Variants in DNAH11 observed in about 807,000 individuals in gnomAD.
DNAH11 encodes the protein dynein axonemal heavy chain 11.
Under a neutral mutation model 526.0 loss-of-function variants are expected in DNAH11, and 442 were observed. That is an observed-to-expected ratio of 0.84 (90% CI 0.78 to 0.91). The LOEUF (loss-of-function observed/expected upper bound fraction) is 0.91. Among genes scored for constraint, DNAH11 ranks in the 40% least tolerant of loss-of-function variants. DNAH11 has a pLI of 0.00. For missense variants in DNAH11, 6,989 were observed against 5,448.7 expected (o/e 1.28, Z -8.90); for synonymous variants, 2,461 against 1,935.9 (o/e 1.27, Z -7.12).
chr7:21,594,363 C>T (rs1204949908), intron 14 of DNAH11, among the ~76,000 whole-genome samples: 2 of 152,082 alleles, frequency 1.3e-5, no homozygotes, highest in Admixed American at 1.3e-4. Context: ...ATTGTGTGTA[C>T]CCAGCACCTT....
intron 45 of DNAH11, among the ~76,000 whole-genome samples, chr7:21,733,168 C>G (rs1191993202): frequency 6.6e-6 from 1 of 152,202 alleles, no homozygotes; most frequent in Non-Finnish European, 1.5e-5. Flanking sequence ...GGGTGGATCA[C>G]CTGAGGCCAG....
At chr7:21,684,033 C>G in intron 32 of DNAH11, 89 bp downstream of exon 32, 1 of 1,339,350 alleles carries the variant, frequency 7.5e-7, no homozygotes, top group Non-Finnish European at 1.0e-6. Flanking sequence ...TGAGAGGAAA[C>G]GATGAACAAT....
rs776769782 is a variant in DNAH11 at position 21,616,191 on chromosome 7, C to G, written c.4012-18C>G. On this transcript the variant is annotated intron_variant, in intron 21 of 81. Transcript: ENST00000409508. ...CACCAAATGTTGTTGACACTTTTAT[C>G]TGCTTTTGCGTTTTCAGAGAAGCAT... 6.2e-7 allele frequency: 1 copy of G among 1,606,442 alleles called. No homozygotes were observed.
At chr7:21,677,934 T>A (rs1351415361) in intron 30 of DNAH11, among the ~76,000 whole-genome samples, 1 of 152,224 alleles carries the variant, frequency 6.6e-6, no homozygotes, top group Admixed American at 6.5e-5. Flanking sequence ...TTGTTGCCGT[T>A]GAGTTGTATG....
At chr7:21,713,821 A>G (rs141579241) in intron 42 of DNAH11, among the ~76,000 whole-genome samples, 231 of 152,250 alleles carry the variant, frequency 1.5e-3, no homozygotes, top group African/African-American at 5.0e-3. Flanking sequence ...TTTATTGGAT[A>G]TGTTTTGGGG....
chr7:21,884,321 G>GTGATCAT lies in DNAH11; in HGVS notation c.12418_12419insTGATCAT (p.Gly4140ValfsTer4). The GTGATCAT allele has an allele frequency of 6.2e-7, 1 of 1,611,888 alleles. No individual in the cohort carries two copies. Among genetic ancestry groups the GTGATCAT allele is most frequent in the Non-Finnish European group, 8.5e-7 (1 of 1,178,914 alleles). ...ATGGGAAGATCTCCGTTATCTCTTT[G>GTGATCAT]GTGAGATCATGTATGGAGGCCACAT... On this transcript the variant is annotated frameshift_variant, in exon 76 of 82. Coordinates refer to ENST00000409508, the MANE Select transcript of DNAH11 (RefSeq NM_001277115.2). LOFTEE classifies it high-confidence loss of function.
intron 45 of DNAH11, among the ~76,000 whole-genome samples, chr7:21,733,636 G>A (rs1348356572): frequency 6.6e-6 from 1 of 152,164 alleles, no homozygotes; most frequent in Non-Finnish European, 1.5e-5. Context: ...CCTATGAGGA[G>A]TTTGTACTCT....
chr7:21,733,362 T>G (rs1205733747), intron 45 of DNAH11, among the ~76,000 whole-genome samples: 1 of 152,046 alleles, frequency 6.6e-6, no homozygotes, highest in Admixed American at 6.6e-5. Flanking sequence ...CACTCCAGCC[T>G]CAGCAACAAG....
intron 54 of DNAH11, among the ~76,000 whole-genome samples, chr7:21,762,284 A>G (rs1350772676): frequency 2.6e-5 from 4 of 152,218 alleles, no homozygotes; most frequent in Non-Finnish European, 5.9e-5. Context: ...TTGAACAAAT[A>G]TGGTTCAGAT....
intron 57 of DNAH11, 53 bp from the exon 58 acceptor site, chr7:21,784,374 G>T: frequency 1.5e-6 from 2 of 1,347,854 alleles, no homozygotes; most frequent in South Asian, 2.5e-5. Context: ...TTTCTTTAGA[G>T]ATATCTGTGA....
At chr7:21,601,212 C>A in intron 17 of DNAH11, 33 bp downstream of exon 17, 1 of 1,565,244 alleles carries the variant, frequency 6.4e-7, no homozygotes, top group East Asian at 2.2e-5. Flanking sequence ...GGAATTATAA[C>A]TTTCTAAACT....
intron 54 of DNAH11, among the ~76,000 whole-genome samples, chr7:21,763,827 T>G (rs1787043762): frequency 6.7e-6 from 1 of 149,998 alleles, no homozygotes; most frequent in African/African-American, 2.5e-5. Context: ...TATATACATA[T>G]ATATATATAC....
In DNAH11 at chr7:21,711,876, T is replaced by A. The variant is rs773016942; in HGVS notation, c.6983+16T>A. The A allele has an allele frequency of 2.5e-6, 4 of 1,590,578 alleles. No individual in the cohort carries two copies. The African/African-American group carries it at 5.4e-5, about 21-fold the overall frequency. ...GCTGGAATCCGTGAGTATTTCTTTTTGTTTTATTGTAGTAAATTGTATGTA... is the reference window on the plus strand; with the variant it reads ...GCTGGAATCCGTGAGTATTTCTTTTAGTTTTATTGTAGTAAATTGTATGTA... On this transcript the variant is annotated intron_variant, in intron 42 of 81. Coordinates refer to ENST00000409508, the MANE Select transcript of DNAH11 (RefSeq NM_001277115.2).
intron 79 of DNAH11, 44 bp downstream of exon 79, chr7:21,895,043 G>C (rs759737260): frequency 1.3e-6 from 2 of 1,512,088 alleles, no homozygotes; most frequent in Non-Finnish European, 1.8e-6. Flanking sequence ...GAGCAGCCTC[G>C]GTGCTGGGTT....
intron 18 of DNAH11, among the ~76,000 whole-genome samples, chr7:21,603,901 G>A (rs1201874388): frequency 6.6e-6 from 1 of 152,086 alleles, no homozygotes; most frequent in Non-Finnish European, 1.5e-5. Context: ...CACTCTTTCG[G>A]GTGATGGTAG....
intron 74 of DNAH11, among the ~76,000 whole-genome samples, chr7:21,874,863 C>T (rs1467411510): frequency 6.6e-6 from 1 of 152,052 alleles, no homozygotes; most frequent in Admixed American, 6.6e-5. Context: ...AAATCGCATT[C>T]TTGTTAGGAC....
At chr7:21,794,192 T>G (rs1235318048) in intron 61 of DNAH11, among the ~76,000 whole-genome samples, 1 of 152,232 alleles carries the variant, frequency 6.6e-6, no homozygotes, top group Non-Finnish European at 1.5e-5. Context: ...CTTAAACTAC[T>G]ATTTTGAATT....
intron 25 of DNAH11, among the ~76,000 whole-genome samples, chr7:21,622,507 G>A (rs1045878776): frequency 1.3e-5 from 2 of 152,106 alleles, no homozygotes; most frequent in Non-Finnish European, 2.9e-5. Context: ...ACCCCGCATT[G>A]CCAAGTCAAT....
chr7:21,813,256 C>T (rs1789614052), intron 63 of DNAH11, among the ~76,000 whole-genome samples: 1 of 152,170 alleles, frequency 6.6e-6, no homozygotes. Flanking sequence ...GCACTCCACT[C>T]ATTGCTTTGA....
Sources: gnomAD v4.1 joint callset for allele counts (sites outside exome capture counted in the v4.1 genomes callset) on GRCh38, gnomAD v4.1.1 for gene constraint, MANE v1.5 for transcripts, NCBI Gene and HGNC (gene_info 2026-07-23, HGNC 2026-07-21) for gene names.